The following CFAP61 variants were observed in gnomAD, a reference collection of about 807,000 sequenced individuals.
CFAP61 encodes cilia- and flagella-associated protein 61.
CFAP61 carries 107 observed loss-of-function variants against 135.6 expected under a neutral mutation model. That is an observed-to-expected ratio of 0.79 (90% confidence interval 0.67 to 0.93). The LOEUF (loss-of-function observed/expected upper bound fraction) is 0.93, where lower values mean the gene tolerates loss of function less well. Among genes scored for constraint, CFAP61 ranks in the 40% least tolerant of loss-of-function variants. The pLI, the probability that CFAP61 is intolerant of heterozygous loss-of-function variation, is 0.00. For synonymous variants in CFAP61, 575 were observed against 578.5 expected (o/e 0.99, Z 0.09); for missense variants, 1,507 against 1,556.2 (o/e 0.97, Z 0.53).
chr20:20,167,464 G>A (rs1209137159), intron 12 of CFAP61, among the ~76,000 whole-genome samples: 1 of 152,054 alleles, frequency 6.6e-6, no homozygotes, highest in East Asian at 1.9e-4. Context: ...CCATGTAAAC[G>A]TAAATATTTA....
intron 7 of CFAP61, 113 bp from the exon 8 acceptor site, chr20:20,098,542 G>C: frequency 1.1e-6 from 1 of 887,602 alleles, no homozygotes; most frequent in Non-Finnish European, 1.7e-6. Context: ...TGAGGAGGCG[G>C]AGGTTGCGGT....
chr20:20,307,749 A>G (rs1362012847), intron 25 of CFAP61, among the ~76,000 whole-genome samples: 3 of 152,220 alleles, frequency 2.0e-5, no homozygotes, highest in Admixed American at 6.5e-5. Flanking sequence ...GAGAGAGGTC[A>G]TTATCAATAA....
At chr20:20,295,188 G>A (rs530423357) in intron 24 of CFAP61, among the ~76,000 whole-genome samples, 4 of 152,188 alleles carry the variant, frequency 2.6e-5, no homozygotes, top group Non-Finnish European at 4.4e-5. Context: ...CCTCGGCCAC[G>A]TACATGGAAT....
intron 22 of CFAP61, among the ~76,000 whole-genome samples, chr20:20,279,560 G>A (rs1290041781): frequency 6.6e-6 from 1 of 152,126 alleles, no homozygotes; most frequent in Non-Finnish European, 1.5e-5. Context: ...GGCTGAGGAA[G>A]AGAAGGAAGA....
At chr20:20,121,030 G>T (rs2049574877) in intron 8 of CFAP61, among the ~76,000 whole-genome samples, 1 of 151,612 alleles carries the variant, frequency 6.6e-6, no homozygotes, top group South Asian at 2.1e-4. Context: ...AGGTGAAATA[G>T]GTTTCTTGTA....
intron 25 of CFAP61, among the ~76,000 whole-genome samples, chr20:20,329,394 C>T (rs1451488484): frequency 1.3e-5 from 2 of 152,186 alleles, no homozygotes; most frequent in Non-Finnish European, 1.5e-5. Flanking sequence ...CTTCCCTGCA[C>T]CTCTGAGCCA....
At chr20:20,244,268 C>T (rs995989883) in intron 18 of CFAP61, among the ~76,000 whole-genome samples, 1 of 152,222 alleles carries the variant, frequency 6.6e-6, no homozygotes, top group South Asian at 2.1e-4. Context: ...CCTGACTCCA[C>T]ATTTCCCTTC....
chr20:20,085,525 A>G, intron 6 of CFAP61: 1 of 1,366,510 alleles, frequency 7.3e-7, no homozygotes, highest in South Asian at 1.1e-5. Context: ...TCCCAGAAGA[A>G]TTCGTGTTGA....
rs752251836 is a variant in CFAP61, at chr20:20,191,379, C to G, written c.1550C>G (p.Ala517Gly). 1.2e-6 allele frequency: 2 copies of G among 1,612,970 alleles called. No homozygotes were observed. Among genetic ancestry groups the G allele is most frequent in the Admixed American group, 3.3e-5 (2 of 59,988 alleles). Residue 517 changes from alanine to glycine, a missense_variant, in exon 15 of 27, where the codon GCA becomes GGA. Coordinates refer to ENST00000245957, the MANE Select transcript of CFAP61 (RefSeq NM_015585.4). ...TLLQAFVAEV[A>G]EQIVGIAVIR... ...CTGCAGGCATTTGTAGCTGAAGTTG[C>G]AGAACAAATAGTTGGTATTGCAGTG...
At chr20:20,219,831 C>T (rs1218259542) in intron 17 of CFAP61, among the ~76,000 whole-genome samples, 2 of 152,188 alleles carry the variant, frequency 1.3e-5, no homozygotes, top group Non-Finnish European at 2.9e-5. Context: ...CATTTGGTCT[C>T]TGTCCCCAGC....
intron 16 of CFAP61, 121 bp from the exon 17 acceptor site, chr20:20,199,644 ATTT>A: frequency 1.1e-6 from 1 of 882,948 alleles, no homozygotes; most frequent in Non-Finnish European, 1.7e-6. Context: ...TTATTTGCTG[ATTT>A]TTTTTTTTCC....
At chr20:20,106,880 T>C (rs1331014284) in intron 8 of CFAP61, among the ~76,000 whole-genome samples, 1 of 152,206 alleles carries the variant, frequency 6.6e-6, no homozygotes, top group Non-Finnish European at 1.5e-5. Flanking sequence ...TTTAAAATAA[T>C]GTTGATATGC....
rs75857346 is a variant in CFAP61 at position 20,058,360 on chromosome 20, G to A, written c.143+1564G>A. ...CACACAAAAGCTAAGGACTGTGTAG[G>A]GAACATTATCAAATTGAAATCAGAA... is the stretch of plus-strand genomic sequence containing the variant. On this transcript the variant is annotated intron_variant, in intron 2 of 26. Coordinates refer to ENST00000245957, the MANE Select transcript of CFAP61 (RefSeq NM_015585.4). Among the ~76,000 whole-genome samples, 768 of 152,264 alleles carry A rather than the reference G, an allele frequency of 5.0e-3. 6 individuals are homozygous for A. The highest frequency in any genetic ancestry group is 0.018 in the African/African-American group (733 of 41,552).
chr20:20,210,536 G>T (rs1468560580), intron 17 of CFAP61, among the ~76,000 whole-genome samples: 18 of 152,328 alleles, frequency 1.2e-4, no homozygotes, highest in Admixed American at 1.1e-3. Context: ...ATCAGGAGGG[G>T]TCATGAGTCA....
intron 8 of CFAP61, among the ~76,000 whole-genome samples, chr20:20,111,552 T>G (rs556111253): frequency 3.9e-5 from 6 of 152,192 alleles, no homozygotes; most frequent in Non-Finnish European, 8.8e-5. Flanking sequence ...TCAAATGACA[T>G]TCCAATCTAA....
chr20:20,344,873 T>TA lies in CFAP61; in HGVS notation c.3513+2962dup, dbSNP rs894297128. On this transcript the variant is annotated intron_variant, in intron 26 of 26. Transcript: ENST00000245957. ...CCTAAGCATCCAACAAGTGAATGGA[T>TA]AAAAAAAAAATGTGGTCTATATACA... is the stretch of plus-strand genomic sequence containing the variant. Among the ~76,000 whole-genome samples, 12 of 147,966 alleles carry TA rather than the reference T, an allele frequency of 8.1e-5. No homozygotes were observed. In the East Asian group the frequency reaches 1.2e-3, roughly 15 times the overall value.
chr20:20,256,974 G>A lies in CFAP61; in HGVS notation c.2328+5211G>A, dbSNP rs367850877. Among the ~76,000 whole-genome samples, 4 of 152,240 alleles carry A rather than the reference G, an allele frequency of 2.6e-5. No individual in the cohort carries two copies. In the East Asian group the frequency reaches 7.7e-4, roughly 29 times the overall value. On this transcript the variant is annotated intron_variant, in intron 20 of 26. Transcript: ENST00000245957. ...CTTCAGCTGCCATTTCAGGGGCTGG[G>A]TGATCAAATTGCATTGAGGATGATA...
At chr20:20,258,752 G>A (rs181579198) in intron 20 of CFAP61, among the ~76,000 whole-genome samples, 187 of 152,304 alleles carry the variant, frequency 1.2e-3, no homozygotes, top group Admixed American at 2.6e-3. Flanking sequence ...GCCTCAAAGC[G>A]GGAGAGCACC....
At chr20:20,274,439 T>A (rs1442839709) in intron 21 of CFAP61, among the ~76,000 whole-genome samples, 2 of 152,126 alleles carry the variant, frequency 1.3e-5, no homozygotes, top group Non-Finnish European at 1.5e-5. Context: ...GGTGGGGAGA[T>A]CACTTGAGGT....
Sources: gnomAD v4.1 joint callset for allele counts (sites outside exome capture counted in the v4.1 genomes callset) on GRCh38, gnomAD v4.1.1 for gene constraint, MANE v1.5 for transcripts, NCBI Gene and HGNC (gene_info 2026-07-23, HGNC 2026-07-21) for gene names.